The following METAP2 variants were observed in gnomAD, a reference collection of about 807,000 sequenced individuals.
METAP2 encodes methionine aminopeptidase 2.
In METAP2, 25 loss-of-function variants were observed where a neutral mutation model predicts 59.4. That is an observed-to-expected ratio of 0.42 (90% CI 0.31 to 0.59). The LOEUF is 0.59. Among genes scored for constraint, METAP2 ranks in the 20% least tolerant of loss-of-function variants. The pLI is 0.16. For synonymous variants in METAP2, 214 were observed against 194.1 expected (o/e 1.10, Z -0.85); for missense variants, 366 against 581.2 (o/e 0.63, Z 3.81).
intron 9 of METAP2, 76 bp downstream of exon 9, chr12:95,512,074 A>G: frequency 9.6e-7 from 1 of 1,037,140 alleles, no homozygotes; most frequent in African/African-American, 1.6e-5. Context: ...GTAGTTAAAT[A>G]TATGGTTATA....
chr12:95,478,851 C>T (rs2140137928), intron 2 of METAP2, among the ~76,000 whole-genome samples: 1 of 152,166 alleles, frequency 6.6e-6, no homozygotes, highest in Non-Finnish European at 1.5e-5. Context: ...ACATTTGAAG[C>T]ATTGTGGTAA....
intron 2 of METAP2, among the ~76,000 whole-genome samples, chr12:95,482,795 A>G (rs2076168523): frequency 6.6e-6 from 1 of 152,158 alleles, no homozygotes; most frequent in South Asian, 2.1e-4. Flanking sequence ...CTGTTTCAAA[A>G]AAAGAAAGAA....
intron 8 of METAP2, among the ~76,000 whole-genome samples, chr12:95,508,165 T>C (rs1379068597): frequency 2.0e-5 from 3 of 152,156 alleles, no homozygotes; most frequent in Non-Finnish European, 4.4e-5. Flanking sequence ...TGATTTAAAT[T>C]TACTATGTTC....
intron 5 of METAP2, 25 bp from the exon 6 acceptor site, chr12:95,494,932 A>C: frequency 6.3e-7 from 1 of 1,590,656 alleles, no homozygotes; most frequent in Non-Finnish European, 8.6e-7. Context: ...AAAGTAAACA[A>C]GTTCCCTTTG....
chr12:95,488,567 G>A (rs4511356), intron 4 of METAP2, among the ~76,000 whole-genome samples: 1 of 144,890 alleles, frequency 6.9e-6, no homozygotes, highest in Non-Finnish European at 1.5e-5. Context: ...TAGTCTCTCA[G>A]ATTTTCTTGA....
At chr12:95,505,045 C>T (rs557530726) in intron 8 of METAP2, among the ~76,000 whole-genome samples, 50 of 152,332 alleles carry the variant, frequency 3.3e-4, no homozygotes, top group Middle Eastern at 3.4e-3. Flanking sequence ...TCATTATTCT[C>T]TGTGATCCTG....
intron 7 of METAP2, among the ~76,000 whole-genome samples, chr12:95,497,496 C>T (rs2076284123): frequency 6.6e-6 from 1 of 152,232 alleles, no homozygotes; most frequent in Admixed American, 6.5e-5. Flanking sequence ...ACTTGGATTG[C>T]TCCGATGTTT....
intron 6 of METAP2, among the ~76,000 whole-genome samples, chr12:95,495,669 G>A (rs1313655353): frequency 6.6e-6 from 1 of 152,000 alleles, no homozygotes; most frequent in African/African-American, 2.4e-5. Context: ...TACTTTCTCT[G>A]CCCTGCGTTA....
chr12:95,484,703 G>A (rs2076182952), intron 3 of METAP2: 1 of 360,228 alleles, frequency 2.8e-6, no homozygotes, highest in East Asian at 7.9e-5. Flanking sequence ...ATTTCTTTAT[G>A]AGGTACTCTT....
intron 2 of METAP2, among the ~76,000 whole-genome samples, chr12:95,476,690 A>G (rs2076122547): frequency 6.6e-6 from 1 of 152,192 alleles, no homozygotes; most frequent in Admixed American, 6.5e-5. Context: ...TGTGTTAATT[A>G]GCTGTTCAGA....
chr12:95,482,193 T>G (rs762058913), intron 2 of METAP2: 2 of 451,976 alleles, frequency 4.4e-6, no homozygotes, highest in African/African-American at 2.0e-5. Context: ...CACTGCAGCC[T>G]TGACTTCCCT....
chr12:95,492,831 G>A (rs905536408), intron 4 of METAP2, among the ~76,000 whole-genome samples: 4 of 152,158 alleles, frequency 2.6e-5, no homozygotes, highest in African/African-American at 9.7e-5. Flanking sequence ...GTAGTTTAGG[G>A]CAGAGTTGAG....
chr12:95,486,500 A>C (rs1037691094), intron 4 of METAP2, among the ~76,000 whole-genome samples: 2 of 148,606 alleles, frequency 1.3e-5, no homozygotes, highest in African/African-American at 4.9e-5. Context: ...TTTTAATGTT[A>C]CTTTTTTTTT....
intron 3 of METAP2, 118 bp from the exon 4 acceptor site, chr12:95,485,761 A>C: frequency 1.6e-6 from 1 of 640,820 alleles, no homozygotes; most frequent in Non-Finnish European, 2.6e-6. Flanking sequence ...TAACTGTGGC[A>C]GCAAGGAGTT....
intron 7 of METAP2, among the ~76,000 whole-genome samples, chr12:95,502,850 G>T (rs2140159222): frequency 6.6e-6 from 1 of 151,006 alleles, no homozygotes; most frequent in South Asian, 2.1e-4. Context: ...AATTCTCCTT[G>T]TGAATTTTTC....
chr12:95,496,974 A>G (rs914615064), intron 7 of METAP2, among the ~76,000 whole-genome samples: 3 of 151,592 alleles, frequency 2.0e-5, no homozygotes, highest in Admixed American at 1.3e-4. Context: ...ACAGGCACGC[A>G]CAACCACTCC....
rs201288536 is a variant in METAP2 at position 95,515,141 on chromosome 12, C to T, written c.*1237C>T. On this transcript the variant is annotated 3_prime_UTR_variant, in exon 11 of 11. Coordinates refer to ENST00000323666, the MANE Select transcript of METAP2 (RefSeq NM_006838.4). ...GTTTCAGTACAATGAGATTTTATTG[C>T]CTCTGGGATGCTGTTTAGTTTGTAT... is the stretch of plus-strand genomic sequence containing the variant. 1 of 152,470 alleles carries T rather than the reference C, an allele frequency of 6.6e-6. No homozygotes were observed. Among genetic ancestry groups the T allele is most frequent in the Non-Finnish European group, 1.5e-5 (1 of 68,012 alleles). 9.4% of individuals were successfully genotyped at this position (152,470 alleles called of 1,614,324 possible).
chr12:95,474,392 C>T (rs2076102215), intron 1 of METAP2, 62 bp downstream of exon 1: 2 of 1,561,470 alleles, frequency 1.3e-6, no homozygotes, highest in Non-Finnish European at 1.7e-6. Flanking sequence ...TTGGCTCAGG[C>T]CCGTTGAGGG....
chr12:95,513,470 G>A (rs531594412), intron 10 of METAP2, among the ~76,000 whole-genome samples, 182 bp from the exon 11 acceptor site: 1 of 152,264 alleles, frequency 6.6e-6, no homozygotes, highest in South Asian at 2.1e-4. Context: ...GTCCTATTCA[G>A]CTGCCATCTA....
Sources: gnomAD v4.1 joint callset for allele counts (sites outside exome capture counted in the v4.1 genomes callset) on GRCh38, gnomAD v4.1.1 for gene constraint, MANE v1.5 for transcripts, NCBI Gene and HGNC (gene_info 2026-07-23, HGNC 2026-07-21) for gene names.